The following PMFBP1 variants were observed in gnomAD, a reference collection of about 807,000 sequenced individuals.
PMFBP1 encodes the protein polyamine-modulated factor 1-binding protein 1.
A neutral mutation model predicts 137.8 loss-of-function variants in PMFBP1; 131 were observed. The ratio of observed to expected loss-of-function variants is 0.95; its 90% CI spans 0.82 to 1.10. The LOEUF (loss-of-function observed/expected upper bound fraction) is 1.10, where lower values mean the gene tolerates loss of function less well. Ranked by LOEUF, PMFBP1 falls within the 50% of genes least tolerant of loss-of-function variation. The pLI is 0.00. For missense variants in PMFBP1, 1,199 were observed against 1,175.4 expected (o/e 1.02, Z -0.29); for synonymous variants, 490 against 450.4 (o/e 1.09, Z -1.11).
At position 72,164,945 on chromosome 16, in the gene PMFBP1, A is replaced by G. The variant is rs191260585; in HGVS notation, c.13-29T>C. On this transcript the variant is annotated intron_variant, in intron 2 of 20. Transcript: ENST00000237353. ...GGCAGCCAGAAAAACAAAAGCATCA[A>G]TTATAAACTATCAAGAAAGTGCTGC... The G allele has an allele frequency of 3.5e-5, 54 of 1,553,690 alleles. No individual in the cohort carries two copies. The African/African-American group carries it at 3.5e-4, about 10-fold the overall frequency.
chr16:72,195,796 G>A, the PMFBP1 span, among the ~76,000 whole-genome samples: 2 of 152,234 alleles, frequency 1.3e-5, no homozygotes, highest in East Asian at 1.9e-4. Context: ...CAAAGGCTGC[G>A]GCCTGAGCTA....
At chr16:72,234,002 T>C in the PMFBP1 span, among the ~76,000 whole-genome samples, 1 of 152,198 alleles carries the variant, frequency 6.6e-6, no homozygotes, top group African/African-American at 2.4e-5. Flanking sequence ...TTGGGCTTTT[T>C]CCACTTTTGG....
upstream of PMFBP1, among the ~76,000 whole-genome samples, chr16:72,179,377 C>A (rs1475013222): frequency 6.6e-6 from 1 of 152,166 alleles, no homozygotes; most frequent in Non-Finnish European, 1.5e-5. Flanking sequence ...TTTACAATTT[C>A]TGTCAAACGC....
chr16:72,171,485 A>T (rs1271053531), intron 1 of PMFBP1: 5 of 462,458 alleles, frequency 1.1e-5, no homozygotes, highest in Non-Finnish European at 1.9e-5. Context: ...CCAGAAAACC[A>T]CTACTTGGTG....
the PMFBP1 span, among the ~76,000 whole-genome samples, chr16:72,202,508 T>G: frequency 6.6e-6 from 1 of 152,128 alleles, no homozygotes; most frequent in African/African-American, 2.4e-5. Context: ...TACTAAGAAT[T>G]GAGCAATTTT....
chr16:72,215,602 A>C, the PMFBP1 span, among the ~76,000 whole-genome samples: 19 of 152,234 alleles, frequency 1.2e-4, no homozygotes, highest in Non-Finnish European at 4.4e-5. Flanking sequence ...CCTTGCAGAA[A>C]GAATGAATAG....
the PMFBP1 span, among the ~76,000 whole-genome samples, chr16:72,190,426 C>G: frequency 2.6e-5 from 4 of 152,214 alleles, no homozygotes; most frequent in African/African-American, 9.7e-5. Context: ...GGCAATTTTG[C>G]TTCTGACCTC....
the PMFBP1 span, chr16:72,225,290 C>A: frequency 6.6e-6 from 1 of 152,264 alleles, no homozygotes; most frequent in Non-Finnish European, 1.5e-5. Context: ...GAAGGCACAT[C>A]CATGCTGGTC....
the PMFBP1 span, among the ~76,000 whole-genome samples, chr16:72,191,690 T>A: frequency 2.8e-4 from 42 of 152,112 alleles, no homozygotes; most frequent in Non-Finnish European, 5.9e-4. Context: ...TGGTTCATTT[T>A]TCTCCATTCC....
At chr16:72,187,402 A>G in the PMFBP1 span, among the ~76,000 whole-genome samples, 1 of 152,066 alleles carries the variant, frequency 6.6e-6, no homozygotes, top group African/African-American at 2.4e-5. Flanking sequence ...GGTCTAGACA[A>G]TGTCTACATG....
upstream of PMFBP1, chr16:72,172,339 G>A (rs2043230179): frequency 6.6e-6 from 1 of 151,584 alleles, no homozygotes; most frequent in East Asian, 1.9e-4. Flanking sequence ...AGTGGCTTAC[G>A]ACCGTGAAGG....
Position 72,126,149 on chromosome 16 carries a change from C to T in PMFBP1, c.2089-17G>A. 6.2e-7 allele frequency: 1 copy of T among 1,612,290 alleles called. No homozygotes were observed. The highest frequency in any genetic ancestry group is 1.1e-5 in the South Asian group (1 of 90,876). ...AAGGGCTATCTTTAAGGAGGGAGAG[C>T]AGAACTGTCAGGGTGCCAGGTCAGG... On this transcript the variant is annotated splice_polypyrimidine_tract_variant and intron_variant, in intron 14 of 20. Coordinates refer to ENST00000237353, the MANE Select transcript of PMFBP1 (RefSeq NM_031293.3).
the PMFBP1 span, among the ~76,000 whole-genome samples, chr16:72,187,531 G>A: frequency 1.3e-5 from 2 of 152,214 alleles, no homozygotes; most frequent in African/African-American, 4.8e-5. Flanking sequence ...TTTGGAGGGG[G>A]AGTGGTGAGA....
At chr16:72,209,842 CA>C in the PMFBP1 span, among the ~76,000 whole-genome samples, 2 of 152,192 alleles carry the variant, frequency 1.3e-5, no homozygotes, top group Non-Finnish European at 2.9e-5. Flanking sequence ...GAGGCACATG[CA>C]GAAGATGGAA....
At position 72,154,263 on chromosome 16, in the gene PMFBP1, T is replaced by C; in HGVS notation, c.362A>G (p.Gln121Arg). 6.2e-7 allele frequency: 1 copy of C among 1,614,132 alleles called. No homozygotes were observed. The highest frequency in any genetic ancestry group is 8.5e-7 in the Non-Finnish European group (1 of 1,180,008). The change falls in exon 4 of 21, where the codon CAG (glutamine) becomes CGG (arginine). Residue 121 changes from glutamine (Q) to arginine (R), a missense_variant. By Grantham distance (43) the Gln-to-Arg change is conservative. Transcript: ENST00000237353. ...LRQYQSILEK[Q>R]TSDLVLLHHH... ...GTGCAGAAGAACCAGGTCGGAAGTC[T>C]GCTTCTCTAGGATGGACTGATACTG...
At chr16:72,138,090 T>C (rs2042660663) in intron 7 of PMFBP1, among the ~76,000 whole-genome samples, 1 of 152,090 alleles carries the variant, frequency 6.6e-6, no homozygotes, top group Non-Finnish European at 1.5e-5. Context: ...TTGGGGAAGT[T>C]TGTATCACTA....
chr16:72,150,872 C>G (rs373720570), intron 4 of PMFBP1, 43 bp from the exon 5 acceptor site: 1 of 1,538,596 alleles, frequency 6.5e-7, no homozygotes, highest in East Asian at 2.2e-5. Context: ...CATGGAAGCA[C>G]GTAATGAGGA....
At chr16:72,226,193 G>A in the PMFBP1 span, among the ~76,000 whole-genome samples, 1 of 152,146 alleles carries the variant, frequency 6.6e-6, no homozygotes, top group African/African-American at 2.4e-5. Context: ...AGCAGTGTCT[G>A]AGTATTCCTC....
chr16:72,172,933 G>C (rs910528490), upstream of PMFBP1, among the ~76,000 whole-genome samples: 3 of 152,216 alleles, frequency 2.0e-5, no homozygotes, highest in Admixed American at 6.5e-5. Context: ...TGCAATATCT[G>C]TGAAGCACAG....
Sources: gnomAD v4.1 joint callset for allele counts (sites outside exome capture counted in the v4.1 genomes callset) on GRCh38, gnomAD v4.1.1 for gene constraint, MANE v1.5 for transcripts, NCBI Gene and HGNC (gene_info 2026-07-23, HGNC 2026-07-21) for gene names.